Variants in ARRB1 observed in about 807,000 individuals in gnomAD.
ARRB1 encodes beta-arrestin-1.
ARRB1 carries 21 observed loss-of-function variants against 56.8 expected under a neutral mutation model. That is an observed-to-expected ratio of 0.37 (90% CI 0.26 to 0.53). The LOEUF (loss-of-function observed/expected upper bound fraction) is 0.53. Among genes scored for constraint, ARRB1 ranks in the 20% least tolerant of loss-of-function variants. ARRB1 has a pLI of 0.88. For missense variants in ARRB1, 424 were observed against 553.7 expected (o/e 0.77, Z 2.35); for synonymous variants, 210 against 218.6 (o/e 0.96, Z 0.35).
At chr11:75,281,681 C>T in intron 6 of ARRB1, 1 of 448,334 alleles carries the variant, frequency 2.2e-6, no homozygotes, top group East Asian at 3.7e-5. Context: ...TACATGAGGC[C>T]AGGTGTAGGT....
At chr11:75,339,944 A>G (rs1947669796) in intron 1 of ARRB1, among the ~76,000 whole-genome samples, 1 of 152,108 alleles carries the variant, frequency 6.6e-6, no homozygotes, top group Admixed American at 6.5e-5. Flanking sequence ...GTTTCTTGCC[A>G]CCCAGAACCT....
intron 1 of ARRB1, chr11:75,306,571 G>T: frequency 7.8e-7 from 1 of 1,280,780 alleles, no homozygotes; most frequent in Non-Finnish European, 1.0e-6. Flanking sequence ...ACAGATGAGA[G>T]CCCAAAGATT....
chr11:75,282,693 C>T (rs1053767066), intron 5 of ARRB1, among the ~76,000 whole-genome samples: 1 of 152,150 alleles, frequency 6.6e-6, no homozygotes, highest in South Asian at 2.1e-4. Flanking sequence ...TAATTGCTGC[C>T]GAGTTTGTGG....
intron 8 of ARRB1, 79 bp from the exon 9 acceptor site, chr11:75,277,527 C>T (rs771665825): frequency 4.4e-5 from 59 of 1,328,132 alleles, no homozygotes; most frequent in South Asian, 1.3e-4. Flanking sequence ...AAAGCCCCCA[C>T]GCGATCTTCT....
At chr11:75,330,253 A>T (rs1301780087) in intron 1 of ARRB1, among the ~76,000 whole-genome samples, 1 of 151,076 alleles carries the variant, frequency 6.6e-6, no homozygotes, top group African/African-American at 2.5e-5. Context: ...AACTACAAAC[A>T]GGGACTCTAC....
At chr11:75,306,338 A>C (rs777705797) in intron 1 of ARRB1, among the ~76,000 whole-genome samples, 7 of 151,868 alleles carry the variant, frequency 4.6e-5, no homozygotes, top group East Asian at 1.9e-4. Flanking sequence ...AGACATTTCT[A>C]CTCGATGTCC....
chr11:75,276,975 G>T, intron 9 of ARRB1, 64 bp from the exon 10 acceptor site: 1 of 1,323,918 alleles, frequency 7.6e-7, no homozygotes, highest in Non-Finnish European at 1.1e-6. Context: ...AGTCTCACAG[G>T]CGTCCCCGGG....
chr11:75,312,965 A>G (rs1947193287), intron 1 of ARRB1, among the ~76,000 whole-genome samples: 1 of 152,230 alleles, frequency 6.6e-6, no homozygotes, highest in African/African-American at 2.4e-5. Flanking sequence ...CACTAAATAT[A>G]TGGTAATTTG....
At chr11:75,307,158 C>T (rs186794165) in intron 1 of ARRB1, among the ~76,000 whole-genome samples, 1 of 152,298 alleles carries the variant, frequency 6.6e-6, no homozygotes, top group East Asian at 1.9e-4. Context: ...CCCTGCCCCA[C>T]AGCAGCCAAG....
intron 14 of ARRB1, 116 bp downstream of exon 14, chr11:75,268,772 TG>T: frequency 9.0e-7 from 1 of 1,114,952 alleles, no homozygotes; most frequent in Non-Finnish European, 1.3e-6. Flanking sequence ...ACAAAAGATC[TG>T]GGGACCCGAG....
intron 1 of ARRB1, among the ~76,000 whole-genome samples, chr11:75,341,844 G>A (rs1947697234): frequency 6.6e-6 from 1 of 152,236 alleles, no homozygotes; most frequent in Admixed American, 6.5e-5. Flanking sequence ...GCAGACTGCT[G>A]CTCCCAACTG....
chr11:75,341,302 T>A (rs1947689285), intron 1 of ARRB1, among the ~76,000 whole-genome samples: 1 of 151,904 alleles, frequency 6.6e-6, no homozygotes, highest in South Asian at 2.1e-4. Flanking sequence ...CACACCTGGC[T>A]AATTTTTGTA....
chr11:75,276,827 G>A lies in ARRB1; in HGVS notation c.776+12C>T, dbSNP rs753495770. 4 of 1,613,700 alleles carry A rather than the reference G, an allele frequency of 2.5e-6. No homozygotes were observed. Among genetic ancestry groups the A allele is most frequent in the African/African-American group, 1.3e-5 (1 of 74,930 alleles). On this transcript the variant is annotated intron_variant, in intron 10 of 15. Coordinates refer to ENST00000420843, the MANE Select transcript of ARRB1 (RefSeq NM_004041.5). ...ATCCCATACGCCCAAGGCCAGACTT[G>A]TGCCCACTTACTCAGCCTCTTCCAT...
chr11:75,305,273 G>A lies in ARRB1; in HGVS notation c.21-15234C>T, dbSNP rs776102490. ...TTGGCCAGGCTGGTCTTGAACTCCT[G>A]ACCTCAAGTGATCCTCCAGCTTCTG... On this transcript the variant is annotated intron_variant, in intron 1 of 15. Coordinates refer to ENST00000420843, the MANE Select transcript of ARRB1 (RefSeq NM_004041.5). 2.1e-4 allele frequency among the ~76,000 whole-genome samples: 32 copies of A among 150,336 alleles called. 1 individual carries two copies. Among genetic ancestry groups the A allele is most frequent in the African/African-American group, 4.9e-5 (2 of 40,690 alleles).
intron 1 of ARRB1, 74 bp downstream of exon 1, chr11:75,351,514 A>G (rs1471341310): frequency 6.7e-7 from 1 of 1,492,722 alleles, no homozygotes; most frequent in Admixed American, 2.1e-5. Flanking sequence ...CCAGGACGCA[A>G]TCGGAGCCCC....
In ARRB1 at chr11:75,267,620, C is replaced by A. The variant is rs749272848; in HGVS notation, c.1145+32G>T. The A allele has an allele frequency of 1.8e-5, 28 of 1,593,262 alleles. No homozygotes were observed. In the Admixed American group the frequency reaches 4.7e-4, roughly 27 times the overall value. ...TCCACCCCGCCCACCCGCGGCCCAC[C>A]CCCGGATGTCTGCAGGCAGGGTTCA... On this transcript the variant is annotated intron_variant, in intron 15 of 15. Coordinates refer to ENST00000420843, the MANE Select transcript of ARRB1 (RefSeq NM_004041.5).
intron 1 of ARRB1, among the ~76,000 whole-genome samples, chr11:75,348,267 G>T (rs1233453716): frequency 6.6e-6 from 1 of 152,000 alleles, no homozygotes; most frequent in Non-Finnish European, 1.5e-5. Flanking sequence ...TCCCAATCCC[G>T]CCCCCTTGGC....
chr11:75,275,157 A>ATTTT (rs1554972757), intron 10 of ARRB1, among the ~76,000 whole-genome samples: 1 of 150,626 alleles, frequency 6.6e-6, no homozygotes, highest in Non-Finnish European at 1.5e-5. Context: ...ATTTTATTTT[A>ATTTT]TTTTTTTGAG....
chr11:75,335,280 TG>T (rs1947585350), intron 1 of ARRB1: 3 of 171,072 alleles, frequency 1.8e-5, no homozygotes. Flanking sequence ...TCTCTTGCCA[TG>T]GTTTCAGAAG....
Sources: gnomAD v4.1 joint callset for allele counts (sites outside exome capture counted in the v4.1 genomes callset) on GRCh38, gnomAD v4.1.1 for gene constraint, MANE v1.5 for transcripts, NCBI Gene and HGNC (gene_info 2026-07-23, HGNC 2026-07-21) for gene names.